HLCS: variants seen among roughly 807,000 people sequenced by gnomAD.
The protein encoded by HLCS is holocarboxylase synthetase, also known as biotin--protein ligase.
HLCS carries 53 observed loss-of-function variants against 75.0 expected under a neutral mutation model. The observed-to-expected ratio is 0.71, with a 90% CI of 0.57 to 0.89. The LOEUF (loss-of-function observed/expected upper bound fraction) is 0.89. Ranked by LOEUF, HLCS falls within the 40% of genes least tolerant of loss-of-function variation. The pLI is 0.00. For synonymous variants in HLCS, 431 were observed against 428.6 expected, an observed-to-expected ratio of 1.01 and a Z score of -0.07; for missense variants, 966 against 1,074.0, an observed-to-expected ratio of 0.90 and a Z score of 1.41.
intron 2 of HLCS, among the ~76,000 whole-genome samples, chr21:36,951,772 C>T (rs2067680809): frequency 6.6e-6 from 1 of 152,198 alleles, no homozygotes; most frequent in Non-Finnish European, 1.5e-5. Flanking sequence ...TTTGGGTCAA[C>T]AATTCTTACT....
intron 2 of HLCS, among the ~76,000 whole-genome samples, chr21:36,950,677 A>G (rs7277447): frequency 0.57 from 85,931 of 151,594 alleles, 24,600 homozygotes; most frequent in East Asian, 0.64. Context: ...GCATCTTGCT[A>G]TGCTGCCCAG....
Position 36,752,641 on chromosome 21 carries a change from T to G in HLCS, c.*1605A>C, listed in dbSNP as rs1020826468. 1.3e-5 allele frequency: 2 copies of G among 152,524 alleles called. No homozygotes were observed. Among genetic ancestry groups the G allele is most frequent in the Non-Finnish European group, 2.9e-5 (2 of 68,032 alleles). The allele number at this position is 152,524 out of a possible 1,614,324, so 9.4% of individuals were successfully genotyped here. A position where few individuals can be genotyped will look rare whatever the true frequency, so the allele number is the denominator to read the frequency against. ...ATTTGGAGAAGAGTGGTTTTTTTTG[T>G]GTTTTTTGTTTGTTTGTTTTTTGAG... On this transcript the variant is annotated 3_prime_UTR_variant, in exon 11 of 11. Coordinates refer to ENST00000674895, the MANE Select transcript of HLCS (RefSeq NM_001352514.2).
intron 2 of HLCS, among the ~76,000 whole-genome samples, chr21:36,958,662 G>T (rs1231002265): frequency 6.6e-6 from 1 of 151,914 alleles, no homozygotes; most frequent in African/African-American, 2.4e-5. Flanking sequence ...GGCAGCGTGC[G>T]CCTGTAGTCC....
chr21:36,765,792 G>A (rs2090009845), intron 7 of HLCS, among the ~76,000 whole-genome samples: 1 of 152,098 alleles, frequency 6.6e-6, no homozygotes, highest in African/African-American at 2.4e-5. Flanking sequence ...GGATTAAGGT[G>A]CCCGCCACCA....
At chr21:36,836,480 A>C (rs934527904) in intron 6 of HLCS, among the ~76,000 whole-genome samples, 40 of 110,938 alleles carry the variant, frequency 3.6e-4, no homozygotes, top group African/African-American at 1.4e-3. Context: ...ACCCCACAAC[A>C]GTCCCCAGAG....
rs879339277 is a variant in HLCS at position 36,983,849 on chromosome 21, AT to A, written c.-393+6308del. Among the ~76,000 whole-genome samples, 477 of 148,420 alleles carry A rather than the reference AT, an allele frequency of 3.2e-3. 1 individual carries two copies. The highest frequency in any genetic ancestry group is 5.9e-3 in the African/African-American group (238 of 40,488). Reference sequence around the variant, plus strand: ...GAGACTCCGTCTCAAAAAAAAAAAAATTTTTTTTTTTTAAGACAGGGTATAT... The same window carrying A: ...GAGACTCCGTCTCAAAAAAAAAAAAATTTTTTTTTTTAAGACAGGGTATAT... On this transcript the variant is annotated intron_variant, in intron 1 of 11. Coordinates refer to the HLCS transcript ENST00000336648.
At chr21:36,789,276 C>T (rs1157867988) in intron 6 of HLCS, among the ~76,000 whole-genome samples, 15 of 152,166 alleles carry the variant, frequency 9.9e-5, no homozygotes, top group South Asian at 2.1e-4. Flanking sequence ...GCTGGTTGTT[C>T]GACTTCTTAA....
At chr21:36,902,987 C>A (rs73389361) in intron 5 of HLCS, among the ~76,000 whole-genome samples, 1,848 of 152,094 alleles carry the variant, frequency 0.012, 44 homozygotes, top group African/African-American at 0.042. Flanking sequence ...TATGAGTGAT[C>A]CTGTTGGGGA....
At chr21:36,799,272 A>G (rs1476595517) in intron 6 of HLCS, among the ~76,000 whole-genome samples, 1 of 152,212 alleles carries the variant, frequency 6.6e-6, no homozygotes, top group African/African-American at 2.4e-5. Flanking sequence ...TGAAATGGCT[A>G]TCTTTTCTCC....
At chr21:36,952,398 G>C (rs1369634950) in intron 2 of HLCS, among the ~76,000 whole-genome samples, 1 of 152,180 alleles carries the variant, frequency 6.6e-6, no homozygotes, top group East Asian at 1.9e-4. Flanking sequence ...GCTCCTGGTT[G>C]CAAGACCCAC....
At chr21:36,828,491 C>T (rs1025637559) in intron 6 of HLCS, among the ~76,000 whole-genome samples, 3 of 152,010 alleles carry the variant, frequency 2.0e-5, no homozygotes, top group Non-Finnish European at 4.4e-5. Context: ...TCTTTTTTTC[C>T]TTTATTCTTC....
chr21:36,929,518 C>G (rs1002725337), intron 5 of HLCS, among the ~76,000 whole-genome samples: 1 of 152,166 alleles, frequency 6.6e-6, no homozygotes, highest in African/African-American at 2.4e-5. Flanking sequence ...TTGTTTGTTT[C>G]AAGAGAAAGT....
intron 1 of HLCS, among the ~76,000 whole-genome samples, chr21:36,982,844 G>A (rs2069149303): frequency 6.6e-6 from 1 of 152,092 alleles, no homozygotes; most frequent in African/African-American, 2.4e-5. Flanking sequence ...GCCTGGCCAA[G>A]ATGGTGAAAC....
At position 36,820,022 on chromosome 21, in the gene HLCS, C is replaced by T. The variant is rs80020687; in HGVS notation, c.1893-52737G>A. Among the ~76,000 whole-genome samples the T allele has an allele frequency of 3.0e-3, 456 of 152,324 alleles. 4 individuals are homozygous for T. The highest frequency in any genetic ancestry group is 0.011 in the African/African-American group (443 of 41,584). The stretch of plus-strand genomic sequence containing the variant: ...GGGCAGCAAAAATAAACCAGACTCA[C>T]GCCATGTCAGGGTCCCACCAAAAGC... On this transcript the variant is annotated intron_variant, in intron 6 of 10. Coordinates refer to ENST00000674895, the MANE Select transcript of HLCS (RefSeq NM_001352514.2).
At chr21:36,969,306 G>A (rs1413949014), upstream of HLCS, among the ~76,000 whole-genome samples, 1 of 152,146 alleles carries the variant, frequency 6.6e-6, no homozygotes, top group Non-Finnish European at 1.5e-5. Flanking sequence ...GTATGCACCT[G>A]ATCCTCATCC....
chr21:36,939,383 G>A (rs1017064210), intron 2 of HLCS, among the ~76,000 whole-genome samples: 12 of 152,146 alleles, frequency 7.9e-5, no homozygotes, highest in Admixed American at 7.9e-4. Flanking sequence ...CTGTGGACCC[G>A]CTTTTCTCAA....
intron 5 of HLCS, among the ~76,000 whole-genome samples, chr21:36,913,300 A>C (rs544163361): frequency 6.6e-6 from 1 of 152,352 alleles, no homozygotes; most frequent in Admixed American, 6.5e-5. Context: ...GCAGCAAATT[A>C]GGAAATGCCT....
chr21:36,844,692 CTT>C (rs149733958), intron 6 of HLCS, among the ~76,000 whole-genome samples: 22 of 142,576 alleles, frequency 1.5e-4, no homozygotes, highest in Admixed American at 2.8e-4. Flanking sequence ...GAACGACTAT[CTT>C]TTTTTTTTTT....
At chr21:36,823,544 G>A (rs1048826960) in intron 6 of HLCS, among the ~76,000 whole-genome samples, 2 of 151,600 alleles carry the variant, frequency 1.3e-5, no homozygotes, top group African/African-American at 2.4e-5. Flanking sequence ...TCACAAATAC[G>A]TGTATGTGTG....
Sources: allele counts gnomAD v4.1 joint callset (sites outside exome capture counted in the v4.1 genomes callset), GRCh38; gene constraint gnomAD v4.1.1; transcripts MANE v1.5; gene names NCBI Gene and HGNC (gene_info 2026-07-23, HGNC 2026-07-21).